Variants in PSME3IP1 observed in about 807,000 individuals in gnomAD.
PSME3IP1 encodes the protein PSME3-interacting protein.
PSME3IP1 carries 13 observed loss-of-function variants against 34.1 expected under a neutral mutation model. The ratio of observed to expected loss-of-function variants is 0.38; its 90% CI spans 0.25 to 0.61. The LOEUF is 0.61. PSME3IP1 is among the 20% of genes least tolerant of loss of function. PSME3IP1 has a pLI of 0.60. For missense variants in PSME3IP1, 237 were observed against 301.4 expected, an observed-to-expected ratio of 0.79 and a Z score of 1.58; for synonymous variants, 93 against 114.3, an observed-to-expected ratio of 0.81 and a Z score of 1.19.
At chr16:57,155,110 G>C (rs747438877) in intron 6 of PSME3IP1, among the ~76,000 whole-genome samples, 7 of 152,256 alleles carry the variant, frequency 4.6e-5, no homozygotes, top group Non-Finnish European at 1.0e-4. Flanking sequence ...TCTTTATTAA[G>C]AAGGGCCGCT....
chr16:57,173,890 CA>C (rs149929436), intron 1 of PSME3IP1, 21 bp from the exon 2 acceptor site: 8 of 1,587,856 alleles, frequency 5.0e-6, no homozygotes, highest in South Asian at 1.1e-5. Flanking sequence ...AAAACAAAAA[CA>C]AAAAAAATCA....
At chr16:57,163,940 GC>G in intron 6 of PSME3IP1, 60 bp downstream of exon 6, 1 of 1,467,102 alleles carries the variant, frequency 6.8e-7, no homozygotes, top group Non-Finnish European at 9.6e-7. Flanking sequence ...ATGCATTACA[GC>G]CCTTTACTGT....
intron 6 of PSME3IP1, among the ~76,000 whole-genome samples, chr16:57,162,630 ACT>A (rs1469931046): frequency 6.8e-6 from 1 of 146,074 alleles, no homozygotes; most frequent in Non-Finnish European, 1.5e-5. Flanking sequence ...ACCCCACTAC[ACT>A]CTATCTTGGG....
At chr16:57,158,681 G>A (rs1421023327) in intron 6 of PSME3IP1, among the ~76,000 whole-genome samples, 1 of 152,178 alleles carries the variant, frequency 6.6e-6, no homozygotes, top group East Asian at 1.9e-4. Flanking sequence ...GTTGAATGAG[G>A]TATTTCATTT....
intron 1 of PSME3IP1, chr16:57,178,707 T>C: frequency 1.0e-6 from 1 of 982,406 alleles, no homozygotes; most frequent in Non-Finnish European, 1.2e-6. Context: ...TAAATCTCTT[T>C]ACTATATTAT....
At chr16:57,179,498 CAT>C (rs1463809331) in intron 1 of PSME3IP1, among the ~76,000 whole-genome samples, 17 of 152,342 alleles carry the variant, frequency 1.1e-4, no homozygotes, top group East Asian at 9.6e-4. Context: ...GCACACTACA[CAT>C]GTTTTAAAAT....
chr16:57,161,509 ATTTTTTTT>A (rs35833252), intron 6 of PSME3IP1, among the ~76,000 whole-genome samples: 1 of 93,698 alleles, frequency 1.1e-5, no homozygotes, highest in Non-Finnish European at 2.2e-5. Context: ...TAAGATCATA[ATTTTTTTT>A]TTTTTTTTTT....
intron 1 of PSME3IP1, 86 bp from the exon 2 acceptor site, chr16:57,173,955 C>T (rs1825586491): frequency 7.5e-7 from 1 of 1,334,922 alleles, no homozygotes; most frequent in Admixed American, 2.2e-5. Context: ...AGATTTAGCT[C>T]CATCTCACCC....
Position 57,173,863 on chromosome 16 carries a change from A to T in PSME3IP1, c.-9T>A, listed in dbSNP as rs1455987550. The stretch of plus-strand genomic sequence containing the variant: ...TCATCCCCTCCATCCATAATGAAAC[A>T]ACCAATCTACAAAACAAAAACAAAA... On this transcript the variant is annotated 5_prime_UTR_variant, in exon 2 of 7. Transcript: ENST00000309137. 1.1e-5 allele frequency: 17 copies of T among 1,610,406 alleles called. No individual in the cohort carries two copies. The highest frequency in any genetic ancestry group is 1.4e-5 in the Non-Finnish European group (17 of 1,178,834).
intron 4 of PSME3IP1, among the ~76,000 whole-genome samples, 189 bp from the exon 5 acceptor site, chr16:57,167,415 T>C (rs1229816267): frequency 6.6e-6 from 1 of 152,116 alleles, no homozygotes; most frequent in African/African-American, 2.4e-5. Flanking sequence ...AGACAGCATA[T>C]AAAGCCCAAA....
At position 57,185,911 on chromosome 16, in the gene PSME3IP1, A is replaced by G; in HGVS notation, c.-106T>C. ...AGCCGCTCGCTCTTAAAAAAGAAAA[A>G]AAAATGAAAGGAAGAAAGAAAGAAA... is the stretch of plus-strand genomic sequence containing the variant. On this transcript the variant is annotated 5_prime_UTR_variant, in exon 1 of 7. Coordinates refer to ENST00000309137, the MANE Select transcript of PSME3IP1 (RefSeq NM_024946.4). The G allele has an allele frequency of 7.1e-6, 7 of 985,408 alleles. No homozygotes were observed. Among genetic ancestry groups the G allele is most frequent in the Non-Finnish European group, 8.4e-6 (7 of 829,934 alleles). The allele number at this position is 985,408 out of a possible 1,614,324, so 61.0% of individuals were successfully genotyped here. A position where few individuals can be genotyped will look rare whatever the true frequency, so the allele number is the denominator to read the frequency against.
intron 1 of PSME3IP1, among the ~76,000 whole-genome samples, chr16:57,184,142 A>G (rs993844523): frequency 6.6e-6 from 1 of 152,242 alleles, no homozygotes; most frequent in Non-Finnish European, 1.5e-5. Flanking sequence ...GCCGAGTTTA[A>G]TAACAATGGA....
chr16:57,163,144 GAC>G (rs1167176059), intron 6 of PSME3IP1, among the ~76,000 whole-genome samples: 2 of 151,850 alleles, frequency 1.3e-5, no homozygotes, highest in Non-Finnish European at 2.9e-5. Flanking sequence ...CAGCCTGGGT[GAC>G]AGAGTGAGAC....
chr16:57,162,586 A>G (rs1389390974), intron 6 of PSME3IP1, among the ~76,000 whole-genome samples: 1 of 151,250 alleles, frequency 6.6e-6, no homozygotes, highest in Non-Finnish European at 1.5e-5. Context: ...AATTGCTTAA[A>G]CCAGGAAGGC....
At chr16:57,161,272 T>C (rs1450605616) in intron 6 of PSME3IP1, among the ~76,000 whole-genome samples, 1 of 152,196 alleles carries the variant, frequency 6.6e-6, no homozygotes, top group Non-Finnish European at 1.5e-5. Context: ...ACTCCAAAGC[T>C]ATAGTGATCA....
At chr16:57,173,285 G>A (rs1056910998) in intron 2 of PSME3IP1, among the ~76,000 whole-genome samples, 10 of 152,172 alleles carry the variant, frequency 6.6e-5, no homozygotes, top group Admixed American at 3.3e-4. Context: ...CAGCTGTGCA[G>A]GACCTTACAT....
intron 6 of PSME3IP1, among the ~76,000 whole-genome samples, chr16:57,158,201 T>C (rs753155178): frequency 2.0e-5 from 3 of 152,224 alleles, no homozygotes; most frequent in Non-Finnish European, 4.4e-5. Flanking sequence ...CATCAAACTA[T>C]ACCATTCATG....
chr16:57,178,163 G>A (rs1453458108), intron 1 of PSME3IP1, among the ~76,000 whole-genome samples: 1 of 152,030 alleles, frequency 6.6e-6, no homozygotes, highest in Non-Finnish European at 1.5e-5. Flanking sequence ...TTTCAAATTA[G>A]CATTTTCTTC....
chr16:57,157,327 A>AG (rs1372760650), intron 6 of PSME3IP1, among the ~76,000 whole-genome samples: 1 of 151,248 alleles, frequency 6.6e-6, no homozygotes, highest in South Asian at 2.1e-4. Flanking sequence ...AAAAAAAAAA[A>AG]AAAAAGAAGA....
Sources: gnomAD v4.1 joint callset for allele counts (sites outside exome capture counted in the v4.1 genomes callset) on GRCh38, gnomAD v4.1.1 for gene constraint, MANE v1.5 for transcripts, NCBI Gene and HGNC (gene_info 2026-07-23, HGNC 2026-07-21) for gene names.